Variants in MINPP1 observed in about 807,000 individuals in gnomAD.
MINPP1 encodes the protein multiple inositol polyphosphate phosphatase 1.
Under a neutral mutation model 46.1 loss-of-function variants are expected in MINPP1, and 28 were observed. The observed-to-expected ratio is 0.61, with a 90% CI of 0.45 to 0.83. The LOEUF (loss-of-function observed/expected upper bound fraction) is 0.83, where lower values mean the gene tolerates loss of function less well. MINPP1 is among the 40% of genes least tolerant of loss of function. The pLI, the probability that MINPP1 is intolerant of heterozygous loss-of-function variation, is 0.00. For missense variants in MINPP1, 603 were observed against 610.0 expected (o/e 0.99, Z 0.12); for synonymous variants, 268 against 249.1 (o/e 1.08, Z -0.72).
At chr10:87,541,094 GT>G (rs1353576515) in intron 4 of MINPP1, among the ~76,000 whole-genome samples, 1 of 152,104 alleles carries the variant, frequency 6.6e-6, no homozygotes, top group African/African-American at 2.4e-5. Flanking sequence ...AACATAATTT[GT>G]TTTTCCATTT....
intron 4 of MINPP1, among the ~76,000 whole-genome samples, chr10:87,548,031 C>T (rs1249032453): frequency 1.3e-5 from 2 of 152,186 alleles, no homozygotes; most frequent in African/African-American, 4.8e-5. Context: ...AAGTTATGCC[C>T]TGTAGTTTTC....
At chr10:87,532,539 G>A (rs1007376017) in intron 4 of MINPP1, among the ~76,000 whole-genome samples, 2 of 152,216 alleles carry the variant, frequency 1.3e-5, no homozygotes, top group African/African-American at 2.4e-5. Context: ...AGCAGTGAGC[G>A]ATGATGAAGA....
In MINPP1 at chr10:87,553,328, C is replaced by G. The variant is rs529015187; in HGVS notation, c.*850C>G. On this transcript the variant is annotated 3_prime_UTR_variant, in exon 5 of 5. Coordinates refer to ENST00000371996, the MANE Select transcript of MINPP1 (RefSeq NM_004897.5). ...TTTCTTTCTTTCTTTGTAAATAGTTCTGAGTTCTGTCAAATGCCGTGAAAG... is the reference window on the plus strand; with the variant it reads ...TTTCTTTCTTTCTTTGTAAATAGTTGTGAGTTCTGTCAAATGCCGTGAAAG... 1 of 151,916 alleles carries G rather than the reference C, an allele frequency of 6.6e-6. No homozygotes were observed. Among genetic ancestry groups the G allele is most frequent in the African/African-American group, 2.4e-5 (1 of 41,444 alleles). The allele number at this position is 151,916 out of a possible 1,614,324, so 9.4% of individuals were successfully genotyped here.
At position 87,528,820 on chromosome 10, in the gene MINPP1, C is replaced by T. The variant is rs200166134; in HGVS notation, c.1067+7651C>T. Among the ~76,000 whole-genome samples the T allele has an allele frequency of 9.2e-5, 14 of 152,218 alleles. No individual in the cohort carries two copies. The East Asian group carries it at 1.2e-3, about 13-fold the overall frequency. On this transcript the variant is annotated intron_variant, in intron 4 of 4. Coordinates refer to ENST00000371996, the MANE Select transcript of MINPP1 (RefSeq NM_004897.5). The stretch of plus-strand genomic sequence containing the variant: ...TGTTGACAGTGGGGTGTTAAAGTCT[C>T]CCGTTATTATTGTGTGGGAGTCTAA...
intron 4 of MINPP1, among the ~76,000 whole-genome samples, chr10:87,541,732 C>T (rs1194467383): frequency 6.6e-6 from 1 of 152,190 alleles, no homozygotes; most frequent in African/African-American, 2.4e-5. Flanking sequence ...AGCCAGTGTA[C>T]CACATGGTGA....
intron 3 of MINPP1, among the ~76,000 whole-genome samples, chr10:87,519,262 TTAA>T (rs1256121017): frequency 6.6e-6 from 1 of 152,198 alleles, no homozygotes; most frequent in Non-Finnish European, 1.5e-5. Context: ...TATACAATCA[TTAA>T]TAATCCAGTC....
intron 1 of MINPP1, among the ~76,000 whole-genome samples, chr10:87,506,044 C>A (rs1386722863): frequency 2.7e-5 from 4 of 146,630 alleles, no homozygotes; most frequent in Non-Finnish European, 4.5e-5. Context: ...TTAAACTCAT[C>A]ATCTTTTTCA....
chr10:87,517,940 G>A (rs1326697480), intron 3 of MINPP1, among the ~76,000 whole-genome samples: 6 of 151,212 alleles, frequency 4.0e-5, no homozygotes, highest in Non-Finnish European at 2.9e-5. Context: ...GGGATTACAG[G>A]TGTGAGCCAC....
intron 4 of MINPP1, among the ~76,000 whole-genome samples, chr10:87,530,316 G>A (rs1851639493): frequency 6.6e-6 from 1 of 152,182 alleles, no homozygotes; most frequent in Non-Finnish European, 1.5e-5. Flanking sequence ...CAGCTTTTCT[G>A]TTCTGGTTTC....
intron 4 of MINPP1, among the ~76,000 whole-genome samples, chr10:87,532,969 T>C (rs3843599): frequency 0.86 from 129,372 of 151,240 alleles, 55,712 homozygotes; most frequent in African/African-American, 0.96. Flanking sequence ...ATCTCTTCTA[T>C]CAAAACATTA....
intron 4 of MINPP1, among the ~76,000 whole-genome samples, chr10:87,547,596 G>C (rs1368141438): frequency 1.3e-5 from 2 of 152,080 alleles, no homozygotes; most frequent in East Asian, 3.8e-4. Context: ...TTTGCATTTG[G>C]ATCTTTAGCA....
At chr10:87,521,341 G>A (rs969521770) in intron 4 of MINPP1, among the ~76,000 whole-genome samples, 172 bp downstream of exon 4, 1 of 152,084 alleles carries the variant, frequency 6.6e-6, no homozygotes, top group East Asian at 1.9e-4. Flanking sequence ...TAAAACATAC[G>A]AACCTTCCAC....
chr10:87,547,482 A>G (rs1160990112), intron 4 of MINPP1, among the ~76,000 whole-genome samples: 1 of 152,162 alleles, frequency 6.6e-6, no homozygotes, highest in African/African-American at 2.4e-5. Flanking sequence ...ACTCCTCATA[A>G]ACAAGTATTT....
intron 4 of MINPP1, among the ~76,000 whole-genome samples, chr10:87,525,988 C>A (rs1441530429): frequency 1.3e-5 from 2 of 152,204 alleles, no homozygotes; most frequent in Non-Finnish European, 2.9e-5. Context: ...CAAGTCTTTG[C>A]TATTGTGAAT....
chr10:87,508,179 T>A, intron 1 of MINPP1, 157 bp from the exon 2 acceptor site: 1 of 1,545,032 alleles, frequency 6.5e-7, no homozygotes, highest in Non-Finnish European at 8.7e-7. Context: ...GGGGAATAAT[T>A]TTACCCCAAG....
At chr10:87,521,917 T>G (rs912402496) in intron 4 of MINPP1, among the ~76,000 whole-genome samples, 18 of 152,232 alleles carry the variant, frequency 1.2e-4, no homozygotes, top group Non-Finnish European at 8.8e-5. Context: ...ACTTCTGGGC[T>G]CAAGGAATCC....
intron 4 of MINPP1, among the ~76,000 whole-genome samples, chr10:87,545,981 G>A (rs6586075): frequency 0.85 from 129,886 of 152,182 alleles, 55,783 homozygotes; most frequent in African/African-American, 0.95. Flanking sequence ...ATTCAGCCCC[G>A]GAGGCCACAT....
At chr10:87,538,081 A>G (rs1851763307) in intron 4 of MINPP1, among the ~76,000 whole-genome samples, 1 of 150,842 alleles carries the variant, frequency 6.6e-6, no homozygotes, top group Non-Finnish European at 1.5e-5. Context: ...GATTATAGAT[A>G]GGAGTAATCT....
At chr10:87,507,627 T>G (rs917108557) in intron 1 of MINPP1, among the ~76,000 whole-genome samples, 3 of 152,198 alleles carry the variant, frequency 2.0e-5, no homozygotes, top group Non-Finnish European at 4.4e-5. Context: ...AAATGTGTGT[T>G]TTGAATATGA....
Sources: gnomAD v4.1 joint callset for allele counts (sites outside exome capture counted in the v4.1 genomes callset) on GRCh38, gnomAD v4.1.1 for gene constraint, MANE v1.5 for transcripts, NCBI Gene and HGNC (gene_info 2026-07-23, HGNC 2026-07-21) for gene names.